Variants in NRG3 observed in about 807,000 individuals in gnomAD.
The protein encoded by NRG3 is pro-neuregulin-3, membrane-bound isoform.
A neutral mutation model predicts 66.9 loss-of-function variants in NRG3; 31 were observed. That is an observed-to-expected ratio of 0.46 (90% CI 0.35 to 0.63). NRG3 has a LOEUF of 0.63. Ranked by LOEUF, NRG3 falls within the 20% of genes least tolerant of loss-of-function variation. The pLI, the probability that NRG3 is intolerant of heterozygous loss-of-function variation, is 0.00. For synonymous variants in NRG3, 393 were observed against 359.4 expected (o/e 1.09, Z -1.06); for missense variants, 910 against 878.9 (o/e 1.04, Z -0.45).
chr10:82,240,321 A>G (rs1405309455), intron 1 of NRG3, among the ~76,000 whole-genome samples: 2 of 152,178 alleles, frequency 1.3e-5, no homozygotes, highest in African/African-American at 4.8e-5. Context: ...AAAATCATTA[A>G]CAGACTTTTA....
chr10:82,485,400 A>C (rs1253576092), intron 2 of NRG3, among the ~76,000 whole-genome samples: 1 of 151,112 alleles, frequency 6.6e-6, no homozygotes, highest in East Asian at 1.9e-4. Flanking sequence ...AGATTTTAGC[A>C]CCAAGTACCA....
chr10:82,202,465 G>T (rs722979), intron 1 of NRG3, among the ~76,000 whole-genome samples: 66,419 of 152,030 alleles, frequency 0.44, 17,137 homozygotes, highest in Middle Eastern at 0.65. Flanking sequence ...AAGAGTCGTT[G>T]CCACTTTTGA....
chr10:82,479,367 G>A (rs1412250683), intron 2 of NRG3, among the ~76,000 whole-genome samples: 1 of 152,060 alleles, frequency 6.6e-6, no homozygotes, highest in African/African-American at 2.4e-5. Flanking sequence ...AGGAAGGGGG[G>A]AAGAGAGGAT....
chr10:82,850,808 T>G (rs2063526047), intron 3 of NRG3, among the ~76,000 whole-genome samples: 1 of 152,156 alleles, frequency 6.6e-6, no homozygotes. Flanking sequence ...GTATCTAATT[T>G]TGAAATATAG....
chr10:82,503,073 T>G (rs1475491776), intron 2 of NRG3, among the ~76,000 whole-genome samples: 1 of 152,234 alleles, frequency 6.6e-6, no homozygotes, highest in Non-Finnish European at 1.5e-5. Flanking sequence ...AGTTTCATTT[T>G]GTAGCTTATC....
At chr10:82,830,055 A>G (rs1193036796) in intron 3 of NRG3, among the ~76,000 whole-genome samples, 1 of 152,194 alleles carries the variant, frequency 6.6e-6, no homozygotes, top group Admixed American at 6.6e-5. Flanking sequence ...GATCCAAGTT[A>G]AAGGCCGACA....
At chr10:81,908,742 T>TG (rs1368329252) in intron 1 of NRG3, among the ~76,000 whole-genome samples, 3 of 152,046 alleles carry the variant, frequency 2.0e-5, no homozygotes, top group Non-Finnish European at 4.4e-5. Flanking sequence ...ACCACAGAAG[T>TG]GGGGGTCAGA....
At chr10:82,358,145 T>C (rs2083897908) in intron 1 of NRG3, among the ~76,000 whole-genome samples, 1 of 152,216 alleles carries the variant, frequency 6.6e-6, no homozygotes, top group African/African-American at 2.4e-5. Context: ...CAATAATTGG[T>C]CCTGTTAAAT....
At chr10:82,466,219 A>G (rs55746824) in intron 2 of NRG3, among the ~76,000 whole-genome samples, 2,217 of 152,058 alleles carry the variant, frequency 0.015, 69 homozygotes, top group African/African-American at 0.051. Context: ...AGCAACTCTG[A>G]CTGCCCTTGG....
intron 1 of NRG3, among the ~76,000 whole-genome samples, chr10:82,215,108 T>C (rs2133692138): frequency 6.6e-6 from 1 of 152,328 alleles, no homozygotes; most frequent in South Asian, 2.1e-4. Context: ...ATTTTTTCAA[T>C]TTCAGTTAAA....
intron 2 of NRG3, among the ~76,000 whole-genome samples, chr10:82,444,268 A>G (rs1212979181): frequency 6.6e-6 from 1 of 151,956 alleles, no homozygotes; most frequent in Non-Finnish European, 1.5e-5. Flanking sequence ...ACGTCCAGCT[A>G]ATTTTTGTAT....
chr10:82,141,194 G>A (rs1388847293), intron 1 of NRG3, among the ~76,000 whole-genome samples: 1 of 152,122 alleles, frequency 6.6e-6, no homozygotes, highest in Non-Finnish European at 1.5e-5. Flanking sequence ...GGTTATGTGT[G>A]TACATAATCC....
intron 1 of NRG3, among the ~76,000 whole-genome samples, chr10:81,923,650 G>A (rs1349576734): frequency 6.6e-6 from 1 of 152,100 alleles, no homozygotes; most frequent in African/African-American, 2.4e-5. Flanking sequence ...CTCAGCCTGG[G>A]GTGCTGTCAG....
At chr10:82,281,748 G>A (rs1314394958) in intron 1 of NRG3, among the ~76,000 whole-genome samples, 2 of 152,156 alleles carry the variant, frequency 1.3e-5, no homozygotes, top group Non-Finnish European at 2.9e-5. Context: ...GAGGAAGATG[G>A]AGAGAGTGTG....
intron 3 of NRG3, among the ~76,000 whole-genome samples, chr10:82,827,997 A>C (rs879268866): frequency 6.6e-6 from 1 of 152,048 alleles, no homozygotes; most frequent in African/African-American, 2.4e-5. Flanking sequence ...GTCATACCAG[A>C]TGGAGAAACC....
chr10:82,337,275 C>T (rs2082439030), intron 1 of NRG3, among the ~76,000 whole-genome samples: 1 of 152,146 alleles, frequency 6.6e-6, no homozygotes, highest in African/African-American at 2.4e-5. Flanking sequence ...AGACTTATGC[C>T]TACTGTCTTT....
intron 3 of NRG3, among the ~76,000 whole-genome samples, chr10:82,845,513 T>C (rs549240968): frequency 6.6e-6 from 1 of 151,806 alleles, no homozygotes; most frequent in South Asian, 2.1e-4. Context: ...CACAAGGGGA[T>C]TAAAAACATG....
At chr10:81,878,177 G>A in intron 1 of NRG3, 2 of 1,238,220 alleles carry the variant, frequency 1.6e-6, no homozygotes, top group South Asian at 1.6e-5. Context: ...AATGATTATT[G>A]ACAGGGCCCT....
chr10:82,581,782 C>A lies in NRG3; in HGVS notation c.954-156795C>A, dbSNP rs550847121. On this transcript the variant is annotated intron_variant, in intron 2 of 8. Transcript: ENST00000372141. ...TTACCACCAAAAAATTTGGAAAAAA[C>A]TTCTTCCCAAACCCAAGGTAACCTA... 2.6e-3 allele frequency among the ~76,000 whole-genome samples: 398 copies of A among 152,074 alleles called. 2 individuals carry two copies. Among genetic ancestry groups the A allele is most frequent in the African/African-American group, 9.4e-3 (391 of 41,532 alleles).
Sources: gnomAD v4.1 joint callset for allele counts (sites outside exome capture counted in the v4.1 genomes callset) on GRCh38, gnomAD v4.1.1 for gene constraint, MANE v1.5 for transcripts, NCBI Gene and HGNC (gene_info 2026-07-23, HGNC 2026-07-21) for gene names.